The following TMEM38B variants were observed in gnomAD, a reference collection of about 807,000 sequenced individuals.
The protein encoded by TMEM38B is transmembrane protein 38B.
TMEM38B carries 24 observed loss-of-function variants against 28.7 expected under a neutral mutation model. The observed-to-expected ratio is 0.84, with a 90% CI of 0.61 to 1.18. TMEM38B has a LOEUF of 1.18. Ranked by LOEUF, TMEM38B falls within the 50% of genes most tolerant of loss-of-function variation. The pLI is 0.00. For missense variants in TMEM38B, 380 were observed against 350.9 expected, an observed-to-expected ratio of 1.08 and a Z score of -0.66; for synonymous variants, 131 against 127.7, an observed-to-expected ratio of 1.03 and a Z score of -0.17.
chr9:105,754,225 A>G (rs1000145829), intron 5 of TMEM38B, among the ~76,000 whole-genome samples: 28 of 152,318 alleles, frequency 1.8e-4, no homozygotes, highest in African/African-American at 6.5e-4. Context: ...ATATTAGATC[A>G]TTGAGACAGA....
At chr9:105,737,179 A>G (rs1279867067) in intron 4 of TMEM38B, among the ~76,000 whole-genome samples, 1 of 152,172 alleles carries the variant, frequency 6.6e-6, no homozygotes, top group African/African-American at 2.4e-5. Context: ...GTCAGAGTAG[A>G]TGCAGATCGG....
At chr9:105,722,364 A>C (rs1836348688) in intron 3 of TMEM38B, among the ~76,000 whole-genome samples, 170 bp from the exon 4 acceptor site, 1 of 152,192 alleles carries the variant, frequency 6.6e-6, no homozygotes, top group African/African-American at 2.4e-5. Flanking sequence ...GAAGAATTGC[A>C]GTTGTTTTAG....
chr9:105,719,222 C>T (rs979663269), intron 2 of TMEM38B, among the ~76,000 whole-genome samples: 9 of 152,066 alleles, frequency 5.9e-5, no homozygotes, highest in South Asian at 2.1e-4. Flanking sequence ...CCGTTTGAGA[C>T]GTTTATTCTT....
rs1405909582 is a variant in TMEM38B at position 105,700,317 on chromosome 9, A to T, written c.113-5280A>T. On this transcript the variant is annotated intron_variant, in intron 1 of 5. Transcript: ENST00000374692. ...TAAGGTTGCACTACCTTTTCTACAC[A>T]ATAATAGTAGCCATCATTGATTTTA... Among the ~76,000 whole-genome samples the T allele has an allele frequency of 3.3e-5, 5 of 152,346 alleles. No individual in the cohort carries two copies. The East Asian group carries it at 9.6e-4, about 29-fold the overall frequency.
chr9:105,770,865 T>C (rs1039991984), intron 5 of TMEM38B, among the ~76,000 whole-genome samples: 2 of 152,224 alleles, frequency 1.3e-5, no homozygotes, highest in Non-Finnish European at 2.9e-5. Flanking sequence ...TTTATAGATA[T>C]ATTTCAGTAT....
intron 2 of TMEM38B, among the ~76,000 whole-genome samples, chr9:105,713,179 G>A (rs942027174): frequency 6.6e-6 from 1 of 152,200 alleles, no homozygotes; most frequent in Admixed American, 6.5e-5. Flanking sequence ...GGAGTAGGCA[G>A]TAGAGGGCAG....
intron 5 of TMEM38B, among the ~76,000 whole-genome samples, chr9:105,773,375 A>C (rs1052438331): frequency 6.6e-6 from 1 of 152,082 alleles, no homozygotes; most frequent in Non-Finnish European, 1.5e-5. Flanking sequence ...TAGTAATCGA[A>C]CTCAGAATCT....
chr9:105,733,919 GATT>G (rs2133596265), intron 4 of TMEM38B, among the ~76,000 whole-genome samples: 1 of 151,952 alleles, frequency 6.6e-6, no homozygotes, highest in South Asian at 2.1e-4. Context: ...AACTCAGTTT[GATT>G]GATTTTTTTC....
intron 5 of TMEM38B, among the ~76,000 whole-genome samples, chr9:105,766,210 A>G (rs1414376904): frequency 6.6e-6 from 1 of 152,234 alleles, no homozygotes; most frequent in Admixed American, 6.5e-5. Flanking sequence ...AAATGGTTGT[A>G]TCATTTTACA....
Position 105,774,106 on chromosome 9 carries a change from C to T in TMEM38B, c.*26C>T, listed in dbSNP as rs756273228. On this transcript the variant is annotated 3_prime_UTR_variant, in exon 6 of 6. Coordinates refer to ENST00000374692, the MANE Select transcript of TMEM38B (RefSeq NM_018112.3). ...ATTTACGTGATGAGCTCTACAAGGC[C>T]AAAAATTTTTTTTCTTATCTACCTG... 4.4e-6 allele frequency: 7 copies of T among 1,598,696 alleles called. No individual in the cohort carries two copies. In the South Asian group the frequency reaches 4.5e-5, roughly 10 times the overall value.
intron 5 of TMEM38B, among the ~76,000 whole-genome samples, chr9:105,753,163 G>A (rs1837719899): frequency 6.6e-6 from 1 of 152,060 alleles, no homozygotes. Context: ...GAGAAATAGG[G>A]GATTATGTAA....
intron 5 of TMEM38B, among the ~76,000 whole-genome samples, chr9:105,749,582 A>C (rs1004128590): frequency 3.3e-5 from 5 of 152,212 alleles, no homozygotes; most frequent in African/African-American, 1.2e-4. Flanking sequence ...ATCACATATC[A>C]TACAATGCAC....
intron 5 of TMEM38B, among the ~76,000 whole-genome samples, chr9:105,765,181 A>T (rs540410070): frequency 6.6e-6 from 1 of 152,318 alleles, no homozygotes; most frequent in East Asian, 1.9e-4. Context: ...TAGATTTGTA[A>T]AATGTGGATT....
intron 5 of TMEM38B, among the ~76,000 whole-genome samples, chr9:105,771,596 C>G (rs989359394): frequency 6.6e-6 from 1 of 152,090 alleles, no homozygotes; most frequent in African/African-American, 2.4e-5. Flanking sequence ...TTTGCAGTTC[C>G]TTAAGTCAAG....
At chr9:105,758,340 G>A in intron 5 of TMEM38B, 2 of 878,078 alleles carry the variant, frequency 2.3e-6, no homozygotes, top group Non-Finnish European at 3.9e-6. Context: ...AGATCTTCCT[G>A]GTATGGCGAT....
intron 5 of TMEM38B, among the ~76,000 whole-genome samples, chr9:105,765,446 A>C (rs1826338694): frequency 6.6e-6 from 1 of 152,216 alleles, no homozygotes; most frequent in Non-Finnish European, 1.5e-5. Flanking sequence ...TACCACAGTC[A>C]ATGTATGAAA....
At chr9:105,711,332 T>G (rs1196648371) in intron 2 of TMEM38B, among the ~76,000 whole-genome samples, 1 of 151,906 alleles carries the variant, frequency 6.6e-6, no homozygotes, top group Non-Finnish European at 1.5e-5. Flanking sequence ...TCCCAGCTAC[T>G]TGGGAGGCTG....
At chr9:105,732,953 C>G (rs117565646) in intron 4 of TMEM38B, among the ~76,000 whole-genome samples, 151 of 152,130 alleles carry the variant, frequency 9.9e-4, no homozygotes, top group Non-Finnish European at 1.5e-3. Flanking sequence ...ATGGAATGTT[C>G]AAAGAACATC....
At chr9:105,729,696 A>AT (rs1276185761) in intron 4 of TMEM38B, among the ~76,000 whole-genome samples, 1 of 152,138 alleles carries the variant, frequency 6.6e-6, no homozygotes, top group Non-Finnish European at 1.5e-5. Flanking sequence ...CACAATATTG[A>AT]TTCTTCCTAC....
Sources: allele counts gnomAD v4.1 joint callset (sites outside exome capture counted in the v4.1 genomes callset), GRCh38; gene constraint gnomAD v4.1.1; transcripts MANE v1.5; gene names NCBI Gene and HGNC (gene_info 2026-07-23, HGNC 2026-07-21).